The following LARP1 variants were observed in gnomAD, a reference collection of about 807,000 sequenced individuals.
LARP1 encodes La ribonucleoprotein 1, translational regulator, also known as la-related protein 1.
LARP1 carries 36 observed loss-of-function variants against 122.7 expected under a neutral mutation model. The observed-to-expected ratio is 0.29, with a 90% CI of 0.22 to 0.39. The LOEUF is 0.39. LARP1 is among the 10% of genes least tolerant of loss of function. The probability of loss-of-function intolerance (pLI) is 1.00; values close to 1 mark genes in which losing one functional copy is unlikely to be tolerated. For synonymous variants in LARP1, 539 were observed against 528.7 expected, an observed-to-expected ratio of 1.02 and a Z score of -0.27; for missense variants, 1,040 against 1,403.6, an observed-to-expected ratio of 0.74 and a Z score of 4.14.
intron 1 of LARP1, among the ~76,000 whole-genome samples, chr5:154,763,180 C>T (rs1310188982): frequency 6.6e-6 from 1 of 151,818 alleles, no homozygotes; most frequent in Non-Finnish European, 1.5e-5. Context: ...CCTGCCTCAG[C>T]CTCCCAAGTA....
rs776081455 is a variant in LARP1 at position 154,712,932 on chromosome 5, TG to T, written c.9del (p.Trp3Ter). The T allele has an allele frequency of 1.9e-4, 303 of 1,614,134 alleles. 3 individuals are homozygous for T. The East Asian group carries it at 6.7e-3, about 36-fold the overall frequency. ...CCCAGGCCCTGGTCACTCCATGCTT[TG>T]GAGGGTGCTTTTGTCAAAGAGGCCT... On this transcript the variant is annotated frameshift_variant, in exon 1 of 19. Transcript: ENST00000336314. LOFTEE classifies it high-confidence loss of function.
At chr5:154,688,876 G>T (rs966248213) in intron 1 of LARP1, among the ~76,000 whole-genome samples, 3 of 151,982 alleles carry the variant, frequency 2.0e-5, no homozygotes, top group Admixed American at 6.6e-5. Context: ...CCCTTGATTT[G>T]CCCTTTTTCA....
intron 1 of LARP1, among the ~76,000 whole-genome samples, chr5:154,717,069 A>T (rs1200849345): frequency 6.6e-6 from 1 of 152,004 alleles, no homozygotes; most frequent in Non-Finnish European, 1.5e-5. Context: ...CCAAAAAAAA[A>T]AAAAGAAAAA....
chr5:154,690,773 C>A (rs896979385), intron 1 of LARP1, among the ~76,000 whole-genome samples: 50 of 151,198 alleles, frequency 3.3e-4, no homozygotes, highest in African/African-American at 1.2e-3. Context: ...GGCGGGGGGG[C>A]TGTGCGACAA....
At chr5:154,700,386 G>A (rs191285367) in intron 1 of LARP1, among the ~76,000 whole-genome samples, 39 of 151,860 alleles carry the variant, frequency 2.6e-4, no homozygotes, top group African/African-American at 8.7e-4. Context: ...AAATATTGTG[G>A]CTGGTCGCAA....
intron 14 of LARP1, among the ~76,000 whole-genome samples, chr5:154,804,621 C>T (rs780909723): frequency 6.6e-6 from 1 of 152,202 alleles, no homozygotes; most frequent in Non-Finnish European, 1.5e-5. Flanking sequence ...GTTGAATAAA[C>T]AGATTTCTGG....
At chr5:154,757,856 GCTCCCCTTCCCCCCTC>G (rs1754116943) in intron 1 of LARP1, among the ~76,000 whole-genome samples, 6 of 33,448 alleles carry the variant, frequency 1.8e-4, no homozygotes, top group African/African-American at 4.5e-4. Flanking sequence ...CTTCCCCCCT[GCTCCCCTTCCCCCCTC>G]CTCCCCTTCC....
chr5:154,695,873 GA>G (rs372124931), intron 1 of LARP1, among the ~76,000 whole-genome samples: 69 of 145,402 alleles, frequency 4.7e-4, no homozygotes, highest in Middle Eastern at 3.6e-3. Context: ...ACTCTATCTC[GA>G]AAAAAAAAAA....
At chr5:154,725,614 T>C (rs1490686375) in intron 1 of LARP1, among the ~76,000 whole-genome samples, 2 of 152,020 alleles carry the variant, frequency 1.3e-5, no homozygotes, top group African/African-American at 2.4e-5. Context: ...TTGAAGGCAT[T>C]AGAGAACTAC....
intron 1 of LARP1, among the ~76,000 whole-genome samples, chr5:154,726,935 C>T (rs954673568): frequency 3.9e-5 from 6 of 152,146 alleles, no homozygotes; most frequent in African/African-American, 4.8e-5. Context: ...CTCGTTATCA[C>T]GAGAACAGCA....
intron 1 of LARP1, among the ~76,000 whole-genome samples, chr5:154,774,938 T>A (rs1755748578): frequency 6.6e-6 from 1 of 152,188 alleles, no homozygotes; most frequent in African/African-American, 2.4e-5. Context: ...AAAGAAACAG[T>A]TGAAACTCAG....
intron 1 of LARP1, among the ~76,000 whole-genome samples, chr5:154,702,813 A>G (rs1754777518): frequency 6.6e-6 from 1 of 152,150 alleles, no homozygotes; most frequent in Non-Finnish European, 1.5e-5. Flanking sequence ...ATCACCAACC[A>G]GAGGCAAAGA....
rs370803748 is a variant in LARP1 at position 154,783,333 on chromosome 5, GGTA to G, written c.437-6989_437-6987del. On this transcript the variant is annotated intron_variant, in intron 1 of 18. Coordinates refer to ENST00000518297, the MANE Select transcript of LARP1 (RefSeq NM_033551.3). ...TAGACTCAAACTGGGTGTGCTTGGT[GGTA>G]GTTTCCCTTGCCTCTCTGGGTAGGG... is the stretch of plus-strand genomic sequence containing the variant. 7.2e-5 allele frequency among the ~76,000 whole-genome samples: 11 copies of G among 152,274 alleles called. No individual in the cohort carries two copies. In the East Asian group the frequency reaches 1.4e-3, roughly 19 times the overall value.
chr5:154,706,329 AATAAT>A (rs1754947753), intron 1 of LARP1, among the ~76,000 whole-genome samples: 3 of 149,468 alleles, frequency 2.0e-5, no homozygotes, highest in Non-Finnish European at 4.4e-5. Flanking sequence ...TAATAATAAT[AATAAT>A]AAAATGTGGT....
chr5:154,768,579 T>C (rs1281203388), intron 1 of LARP1, among the ~76,000 whole-genome samples: 1 of 151,756 alleles, frequency 6.6e-6, no homozygotes, highest in Non-Finnish European at 1.5e-5. Flanking sequence ...TATTTATTTT[T>C]ATTTATTTAT....
Position 154,782,226 on chromosome 5 carries a change from CTT to C in LARP1, c.437-8097_437-8096del, listed in dbSNP as rs560332991. The stretch of plus-strand genomic sequence containing the variant: ...CTTAGGTCAGTTTTTGGTACCTAGT[CTT>C]TATGCAGTAAAAGGTGATTATTATT... On this transcript the variant is annotated intron_variant, in intron 1 of 18. Coordinates refer to ENST00000518297, the MANE Select transcript of LARP1 (RefSeq NM_033551.3). Among the ~76,000 whole-genome samples the C allele has an allele frequency of 8.4e-3, 1,274 of 152,266 alleles. 10 individuals carry two copies. Among genetic ancestry groups the C allele is most frequent in the Middle Eastern group, 0.037 (11 of 294 alleles).
At chr5:154,706,577 G>A (rs1754960624) in intron 1 of LARP1, among the ~76,000 whole-genome samples, 2 of 151,826 alleles carry the variant, frequency 1.3e-5, no homozygotes, top group South Asian at 2.1e-4. Flanking sequence ...GGTGGGAGGA[G>A]GGTGAGGATT....
rs528224602 is a variant in LARP1 at position 154,767,127 on chromosome 5, CAGTT to C, written c.436+10937_436+10940del. Among the ~76,000 whole-genome samples the C allele has an allele frequency of 8.0e-3, 1,215 of 152,304 alleles. 16 individuals carry two copies. Among genetic ancestry groups the C allele is most frequent in the African/African-American group, 0.026 (1,071 of 41,540 alleles). On this transcript the variant is annotated intron_variant, in intron 1 of 18. Transcript: ENST00000518297. ...AGCATGAACTTGGGACAGTCAGTCACAGTTAGCGCAGCCATTTACCCACTGAGTG... is the reference window on the plus strand; with the variant it reads ...AGCATGAACTTGGGACAGTCAGTCACAGCGCAGCCATTTACCCACTGAGTG...
At chr5:154,712,896 C>A (rs1173659214) in exon 1 of LARP1, 3 of 1,603,796 alleles carry the variant, frequency 1.9e-6, no homozygotes, top group Middle Eastern at 1.6e-4. Context: ...CCTCCAGGGC[C>A]ACATAGTGAC....
Sources: gnomAD v4.1 joint callset for allele counts (sites outside exome capture counted in the v4.1 genomes callset) on GRCh38, gnomAD v4.1.1 for gene constraint, MANE v1.5 for transcripts, NCBI Gene and HGNC (gene_info 2026-07-23, HGNC 2026-07-21) for gene names.